The following MPDZ variants were observed in gnomAD, a reference collection of about 807,000 sequenced individuals.
MPDZ encodes multiple PDZ domain crumbs cell polarity complex component, also known as multiple PDZ domain protein.
Under a neutral mutation model 239.1 loss-of-function variants are expected in MPDZ, and 234 were observed. That is an observed-to-expected ratio of 0.98 (90% CI 0.88 to 1.09). The LOEUF is 1.09. Among genes scored for constraint, MPDZ ranks in the 50% least tolerant of loss-of-function variants. The pLI, the probability that MPDZ is intolerant of heterozygous loss-of-function variation, is 0.00. For missense variants in MPDZ, 3,175 were observed against 2,510.0 expected (o/e 1.26, Z -5.66); for synonymous variants, 1,048 against 881.3 (o/e 1.19, Z -3.35).
chr9:13,152,573 T>A (rs1949321625), intron 24 of MPDZ, among the ~76,000 whole-genome samples: 1 of 151,866 alleles, frequency 6.6e-6, no homozygotes, highest in Non-Finnish European at 1.5e-5. Context: ...GAACTGTGAG[T>A]CCATTAAACC....
intron 43 of MPDZ, 33 bp from the exon 44 acceptor site, chr9:13,110,773 A>G (rs1942326814): frequency 6.4e-7 from 1 of 1,553,220 alleles, no homozygotes; most frequent in Non-Finnish European, 8.8e-7. Flanking sequence ...GCCATCTGCT[A>G]AAGCAGCCAT....
intron 1 of MPDZ, among the ~76,000 whole-genome samples, chr9:13,274,916 T>C (rs937330328): frequency 4.6e-5 from 7 of 152,106 alleles, no homozygotes; most frequent in Non-Finnish European, 1.0e-4. Context: ...ACGAATGCTT[T>C]TATAAAACAC....
intron 1 of MPDZ, among the ~76,000 whole-genome samples, chr9:13,257,492 T>C (rs1361711466): frequency 6.6e-6 from 1 of 152,130 alleles, no homozygotes; most frequent in Non-Finnish European, 1.5e-5. Context: ...ACGGTGAAAA[T>C]ATATTGTCAA....
chr9:13,214,534 C>A (rs904287893), intron 10 of MPDZ, among the ~76,000 whole-genome samples: 2 of 151,976 alleles, frequency 1.3e-5, no homozygotes, highest in Non-Finnish European at 1.5e-5. Context: ...CTAAAAGCTA[C>A]TGTACTGTAC....
At chr9:13,184,198 G>C (rs1389197595) in intron 18 of MPDZ, among the ~76,000 whole-genome samples, 1 of 151,984 alleles carries the variant, frequency 6.6e-6, no homozygotes, top group East Asian at 1.9e-4. Flanking sequence ...AACTCATAAA[G>C]AGTGAGATAG....
Position 13,121,932 on chromosome 9 carries a change from C to T in MPDZ, c.5038G>A (p.Val1680Met), listed in dbSNP as rs746625763. Residue 1680 changes from valine to methionine, a missense_variant and splice_region_variant, in exon 38 of 47, where the codon GTG becomes ATG. Physicochemically the swap from Val to Met is conservative, Grantham distance 21 (BLOSUM62 1). Transcript: ENST00000319217. The part of the protein sequence containing the change: ...RLWAGDQILE[V>M]NGIDLRKATH... The stretch of plus-strand genomic sequence containing the variant: ...GCCTTTCTCAAGTCAATTCCATTCA[C>T]CTGTACAGAAATGGGACACTGACTG... 10 of 1,612,452 alleles carry T rather than the reference C, an allele frequency of 6.2e-6. No individual in the cohort carries two copies. Among genetic ancestry groups the T allele is most frequent in the Non-Finnish European group, 8.5e-6 (10 of 1,179,152 alleles).
At chr9:13,186,993 A>G (rs148801533) in intron 17 of MPDZ, among the ~76,000 whole-genome samples, 102 of 152,278 alleles carry the variant, frequency 6.7e-4, no homozygotes, top group African/African-American at 2.4e-3. Context: ...CTTGCAGGTT[A>G]GAGATATCGT....
chr9:13,273,579 C>T (rs1973497782), intron 1 of MPDZ, among the ~76,000 whole-genome samples: 1 of 151,876 alleles, frequency 6.6e-6, no homozygotes. Context: ...TCAAACACAC[C>T]AAGAGTTGGA....
At chr9:13,115,459 G>T in intron 39 of MPDZ, 125 bp from the exon 40 acceptor site, 1 of 748,136 alleles carries the variant, frequency 1.3e-6, no homozygotes, top group South Asian at 1.7e-5. Flanking sequence ...ATTTCTATAA[G>T]CAAGGATACC....
rs146551724 is a variant in MPDZ at position 13,107,426 on chromosome 9, C to T, written c.6067-315G>A. Among the ~76,000 whole-genome samples, 355 of 152,214 alleles carry T rather than the reference C, an allele frequency of 2.3e-3. 3 individuals carry two copies. Among genetic ancestry groups the T allele is most frequent in the African/African-American group, 7.4e-3 (309 of 41,526 alleles). ...TAATAAAGAATATTTGGGAATTTGCCTAGTAGGAATGATTCAATAGAATCC... is the reference window on the plus strand; with the variant it reads ...TAATAAAGAATATTTGGGAATTTGCTTAGTAGGAATGATTCAATAGAATCC... On this transcript the variant is annotated intron_variant, in intron 46 of 46. Transcript: ENST00000319217.
chr9:13,270,633 A>T (rs1463273941), intron 1 of MPDZ, among the ~76,000 whole-genome samples: 1 of 152,100 alleles, frequency 6.6e-6, no homozygotes, highest in East Asian at 1.9e-4. Context: ...ATTTGAAGAA[A>T]CTGGGTTAAA....
At chr9:13,256,639 A>G (rs928897767) in intron 1 of MPDZ, among the ~76,000 whole-genome samples, 1 of 152,176 alleles carries the variant, frequency 6.6e-6, no homozygotes. Flanking sequence ...AGCAGTTGGA[A>G]CATGTGCAAC....
rs764081143 is a variant in MPDZ, at chr9:13,136,782, C to T, written c.4222G>A (p.Gly1408Arg). 3.8e-6 allele frequency: 6 copies of T among 1,597,976 alleles called. No homozygotes were observed. In the African/African-American group the frequency reaches 8.0e-5, roughly 21 times the overall value. Residue 1408 changes from glycine to arginine, a missense_variant, in exon 30 of 47, where the codon GGA (glycine) becomes AGA (arginine). Gly to Arg is a moderately radical substitution (Grantham distance 125). Transcript: ENST00000319217. Reference protein sequence around the residue: ...LLEINGQILYGRSHQNASSII... With the variant: ...LLEINGQILYRRSHQNASSII... ...GATGAGGCATTCTGATGACTTCTTCCATATAAAATCTGACCATTGATCTGT... is the reference window on the plus strand; with the variant it reads ...GATGAGGCATTCTGATGACTTCTTCTATATAAAATCTGACCATTGATCTGT...
At chr9:13,140,512 T>C (rs934474691) in intron 27 of MPDZ, among the ~76,000 whole-genome samples, 22 of 149,718 alleles carry the variant, frequency 1.5e-4, no homozygotes, top group Non-Finnish European at 3.0e-5. Flanking sequence ...TATATATAGA[T>C]AGATAGATAG....
chr9:13,118,800 C>T (rs970989625), intron 39 of MPDZ, among the ~76,000 whole-genome samples: 3 of 152,152 alleles, frequency 2.0e-5, no homozygotes, highest in African/African-American at 7.2e-5. Flanking sequence ...TTCTGCCTTT[C>T]CAATCAGAAA....
In MPDZ at chr9:13,224,388, T is replaced by C; in HGVS notation, c.379A>G (p.Lys127Glu). The change falls in exon 4 of 47, where the codon AAA (lysine) becomes GAA (glutamate). Residue 127 changes from lysine to glutamate, a missense_variant. By Grantham distance (56) the Lys-to-Glu change is moderately conservative. Coordinates refer to ENST00000319217, the MANE Select transcript of MPDZ (RefSeq NM_001378778.1). Reference sequence around the variant, plus strand: ...AATGTTCTTACCTGGGCCATATTTTTGATAAGCTGATCAAATTCATCACAA... The same window carrying C: ...AATGTTCTTACCTGGGCCATATTTTCGATAAGCTGATCAAATTCATCACAA... ...PACDEFDQLI[K>E]NMAQGRHVEV... 6.2e-7 allele frequency: 1 copy of C among 1,612,140 alleles called. No homozygotes were observed. Among genetic ancestry groups the C allele is most frequent in the Non-Finnish European group, 8.5e-7 (1 of 1,178,856 alleles).
At chr9:13,119,757 T>G (rs1944050246) in intron 38 of MPDZ, 108 bp from the exon 39 acceptor site, 1 of 1,319,558 alleles carries the variant, frequency 7.6e-7, no homozygotes, top group African/African-American at 1.5e-5. Context: ...TTTTTATGAC[T>G]TTAAAAGTTT....
In MPDZ at chr9:13,224,470, A is replaced by C; in HGVS notation, c.297T>G (p.Asn99Lys). The C allele has an allele frequency of 1.2e-6, 2 of 1,612,918 alleles. No homozygotes were observed. Among genetic ancestry groups the C allele is most frequent in the Non-Finnish European group, 1.7e-6 (2 of 1,179,276 alleles). ...GTCCTGTAAGTGCTTCCAGATTCCC[A>C]TTGTTTGGGGATAATAAAAACGATT... Reference protein sequence around the residue: ...QNESFLLSPNNGNLEALTGPG... With the variant: ...QNESFLLSPNKGNLEALTGPG... The change falls in exon 4 of 47, where the codon AAT becomes AAG. Residue 99 changes from asparagine to lysine, a missense_variant. Physicochemically the swap from Asn to Lys is moderately conservative, Grantham distance 94. Transcript: ENST00000319217.
At position 13,190,225 on chromosome 9, in the gene MPDZ, A is replaced by C. The variant is rs1264690151; in HGVS notation, c.2043T>G (p.Gly681=). 6.2e-7 allele frequency: 1 copy of C among 1,612,820 alleles called. No homozygotes were observed. The highest frequency in any genetic ancestry group is 2.2e-5 in the East Asian group (1 of 44,734). ...EDPVLAMTDA[G]QSTEEVQAPL... ...GTGCTTGAACCTCTTCTGTACTCTGACCCGCATCAGTCATCGCCAGCACTG... is the reference window on the plus strand; with the variant it reads ...GTGCTTGAACCTCTTCTGTACTCTGCCCCGCATCAGTCATCGCCAGCACTG... Residue 681 remains glycine, a synonymous_variant, in exon 16 of 47, where the codon GGT becomes GGG. Transcript: ENST00000319217.
Sources: gnomAD v4.1 joint callset for allele counts (sites outside exome capture counted in the v4.1 genomes callset) on GRCh38, gnomAD v4.1.1 for gene constraint, MANE v1.5 for transcripts, NCBI Gene and HGNC (gene_info 2026-07-23, HGNC 2026-07-21) for gene names.